Variants in PCCA observed in about 807,000 individuals in gnomAD.
PCCA encodes the protein propionyl-CoA carboxylase subunit alpha.
A neutral mutation model predicts 101.3 loss-of-function variants in PCCA; 74 were observed. That is an observed-to-expected ratio of 0.73 (90% CI 0.61 to 0.89). The LOEUF (loss-of-function observed/expected upper bound fraction) is 0.89. Among genes scored for constraint, PCCA ranks in the 40% least tolerant of loss-of-function variants. PCCA has a pLI of 0.00. For synonymous variants in PCCA, 294 were observed against 313.6 expected, an observed-to-expected ratio of 0.94 and a Z score of 0.66; for missense variants, 891 against 907.0, an observed-to-expected ratio of 0.98 and a Z score of 0.23.
intron 18 of PCCA, among the ~76,000 whole-genome samples, chr13:100,361,768 A>C (rs2074630850): frequency 6.6e-6 from 1 of 152,208 alleles, no homozygotes. Flanking sequence ...GGTGGCAAGG[A>C]TGTAGAGTAA....
intron 4 of PCCA, among the ~76,000 whole-genome samples, chr13:100,128,867 C>G (rs2152317693): frequency 6.6e-6 from 1 of 152,310 alleles, no homozygotes; most frequent in African/African-American, 2.4e-5. Context: ...AGGAATCACT[C>G]AAGGTTTGAT....
chr13:100,173,861 T>C (rs1228387841), intron 6 of PCCA, among the ~76,000 whole-genome samples: 3 of 152,222 alleles, frequency 2.0e-5, no homozygotes. Flanking sequence ...CTGATGGTTT[T>C]ATAAATGGCA....
intron 18 of PCCA, among the ~76,000 whole-genome samples, chr13:100,354,204 A>G (rs1049360476): frequency 1.9e-4 from 29 of 150,820 alleles, no homozygotes; most frequent in African/African-American, 6.8e-4. Context: ...TGAGCCCAGG[A>G]AGTCAGGGCT....
intron 20 of PCCA, among the ~76,000 whole-genome samples, chr13:100,437,954 G>A (rs2080067463): frequency 6.6e-6 from 1 of 152,088 alleles, no homozygotes; most frequent in Non-Finnish European, 1.5e-5. Context: ...ACAGGTGTGA[G>A]CCATTGTTCC....
chr13:100,265,416 A>G (rs867057778), intron 10 of PCCA, among the ~76,000 whole-genome samples: 3 of 152,056 alleles, frequency 2.0e-5, no homozygotes, highest in Non-Finnish European at 4.4e-5. Context: ...TGTCTTAACT[A>G]TTTTGCTTTT....
intron 21 of PCCA, 135 bp downstream of exon 21, chr13:100,449,440 G>T (rs2081067977): frequency 1.7e-6 from 1 of 596,196 alleles, no homozygotes; most frequent in Non-Finnish European, 3.0e-6. Context: ...CTTTACAAAT[G>T]ATATTCTAGG....
At chr13:100,472,535 C>G (rs564978791) in intron 21 of PCCA, among the ~76,000 whole-genome samples, 28 of 152,268 alleles carry the variant, frequency 1.8e-4, no homozygotes, top group African/African-American at 6.7e-4. Flanking sequence ...GGGCACACCC[C>G]TCCATGCAGG....
intron 22 of PCCA, among the ~76,000 whole-genome samples, chr13:100,517,268 G>T (rs900634716): frequency 6.6e-6 from 1 of 152,292 alleles, no homozygotes; most frequent in Non-Finnish European, 1.5e-5. Flanking sequence ...GGCAGTAAAC[G>T]GGGCGCTCCC....
chr13:100,266,273 A>G (rs553604360), intron 10 of PCCA, among the ~76,000 whole-genome samples: 5 of 152,312 alleles, frequency 3.3e-5, no homozygotes, highest in Non-Finnish European at 7.4e-5. Flanking sequence ...TGTCTTTGAC[A>G]TTACTAATAC....
intron 6 of PCCA, among the ~76,000 whole-genome samples, chr13:100,179,525 C>G (rs2056583954): frequency 6.6e-6 from 1 of 152,200 alleles, no homozygotes; most frequent in Non-Finnish European, 1.5e-5. Context: ...TCAGTTTGGT[C>G]ATGAATACTT....
intron 12 of PCCA, among the ~76,000 whole-genome samples, chr13:100,277,884 G>A (rs2063778964): frequency 6.6e-6 from 1 of 152,128 alleles, no homozygotes; most frequent in Non-Finnish European, 1.5e-5. Context: ...AAACATTGCT[G>A]TATTTTCATT....
intron 8 of PCCA, among the ~76,000 whole-genome samples, chr13:100,256,990 C>T (rs894277343): frequency 3.3e-5 from 5 of 152,090 alleles, no homozygotes; most frequent in African/African-American, 1.2e-4. Context: ...ATTTTCATAA[C>T]ACCCTGTTAA....
chr13:100,253,581 G>A (rs545175557), intron 8 of PCCA, among the ~76,000 whole-genome samples: 13 of 152,316 alleles, frequency 8.5e-5, no homozygotes, highest in African/African-American at 3.1e-4. Context: ...CAGAAAAGTA[G>A]CAATGGAAAC....
chr13:100,369,423 G>C (rs2075421929), intron 19 of PCCA, among the ~76,000 whole-genome samples: 1 of 152,152 alleles, frequency 6.6e-6, no homozygotes, highest in Non-Finnish European at 1.5e-5. Flanking sequence ...CTTGAGAGGG[G>C]TACGGCAGTT....
At chr13:100,169,513 T>C (rs899238914) in intron 6 of PCCA, among the ~76,000 whole-genome samples, 2 of 151,814 alleles carry the variant, frequency 1.3e-5, no homozygotes, top group Non-Finnish European at 2.9e-5. Context: ...GCTGAACTCA[T>C]GCTTTTTATT....
chr13:100,264,497 T>C (rs1366217436), intron 10 of PCCA, among the ~76,000 whole-genome samples: 2 of 152,200 alleles, frequency 1.3e-5, no homozygotes, highest in East Asian at 1.9e-4. Context: ...TCCAGTGATA[T>C]AGTCTGTCAC....
At chr13:100,341,973 A>ATATATATATATGTATATATATG (rs1257478273) in intron 18 of PCCA, among the ~76,000 whole-genome samples, 2 of 121,870 alleles carry the variant, frequency 1.6e-5, no homozygotes, top group Non-Finnish European at 3.4e-5. Context: ...ATATATATAT[A>ATATATATATATGTATATATATG]TATATATATG....
At chr13:100,339,892 C>T (rs541105025) in intron 17 of PCCA, among the ~76,000 whole-genome samples, 50 of 152,220 alleles carry the variant, frequency 3.3e-4, no homozygotes, top group African/African-American at 1.1e-3. Flanking sequence ...TTTTAATTGT[C>T]TTTGTTCTGT....
At chr13:100,401,821 G>T (rs541633372) in intron 19 of PCCA, among the ~76,000 whole-genome samples, 40 of 152,242 alleles carry the variant, frequency 2.6e-4, no homozygotes, top group Non-Finnish European at 5.3e-4. Context: ...TAATAGAATA[G>T]TCTTACTTTG....
Sources: gnomAD v4.1 joint callset for allele counts (sites outside exome capture counted in the v4.1 genomes callset) on GRCh38, gnomAD v4.1.1 for gene constraint, MANE v1.5 for transcripts, NCBI Gene and HGNC (gene_info 2026-07-23, HGNC 2026-07-21) for gene names.